SLMAP: variants seen among roughly 807,000 people sequenced by gnomAD.
SLMAP encodes the protein sarcolemma associated protein, also known as sarcolemmal membrane-associated protein.
SLMAP carries 44 observed loss-of-function variants against 128.8 expected under a neutral mutation model. The ratio of observed to expected loss-of-function variants is 0.34; its 90% CI spans 0.27 to 0.44. The LOEUF is 0.44. Among genes scored for constraint, SLMAP ranks in the 20% least tolerant of loss-of-function variants. The pLI is 1.00. For synonymous variants in SLMAP, 327 were observed against 348.8 expected (o/e 0.94, Z 0.70); for missense variants, 787 against 985.3 (o/e 0.80, Z 2.69).
rs1375750153 is a variant in SLMAP at position 57,929,231 on chromosome 3, A to C, written c.*1942A>C. On this transcript the variant is annotated 3_prime_UTR_variant, in exon 25 of 25. Coordinates refer to ENST00000671191, the MANE Select transcript of SLMAP (RefSeq NM_001377540.1). Reference sequence around the variant, plus strand: ...CTGACTCTACTATTGGGTTGTTAATAGTCTTCTCTTGACATGACTCTTTAT... The same window carrying C: ...CTGACTCTACTATTGGGTTGTTAATCGTCTTCTCTTGACATGACTCTTTAT... 6.6e-6 allele frequency: 1 copy of C among 152,644 alleles called. No homozygotes were observed. Among genetic ancestry groups the C allele is most frequent in the Admixed American group, 6.5e-5 (1 of 15,280 alleles). 9.5% of individuals were successfully genotyped at this position (152,644 alleles called of 1,614,324 possible). A position where few individuals can be genotyped will look rare whatever the true frequency, so the allele number is the denominator to read the frequency against.
At chr3:57,765,542 A>T (rs1000503455) in intron 2 of SLMAP, among the ~76,000 whole-genome samples, 4 of 152,178 alleles carry the variant, frequency 2.6e-5, no homozygotes, top group African/African-American at 7.2e-5. Context: ...GACAACCAAG[A>T]TTGTTTCTTC....
chr3:57,841,550 CT>C, intron 4 of SLMAP, among the ~76,000 whole-genome samples, 179 bp downstream of exon 4: 1 of 152,158 alleles, frequency 6.6e-6, no homozygotes, highest in South Asian at 2.1e-4. Context: ...TGCTTCTTTG[CT>C]TTAGTTACAA....
intron 14 of SLMAP, among the ~76,000 whole-genome samples, chr3:57,889,228 G>C (rs943626300): frequency 1.3e-5 from 2 of 152,216 alleles, no homozygotes; most frequent in African/African-American, 4.8e-5. Flanking sequence ...GCCACATACT[G>C]CAAAGAGCCT....
chr3:57,762,106 A>C (rs982977612), intron 2 of SLMAP, among the ~76,000 whole-genome samples: 1 of 151,384 alleles, frequency 6.6e-6, no homozygotes, highest in South Asian at 2.1e-4. Context: ...TTGGTGGCTC[A>C]TGCCTGTAAT....
intron 17 of SLMAP, among the ~76,000 whole-genome samples, chr3:57,903,219 A>G (rs915268206): frequency 6.6e-6 from 1 of 152,134 alleles, no homozygotes; most frequent in African/African-American, 2.4e-5. Context: ...AGAATTGACA[A>G]TAAGAGGCTG....
chr3:57,871,608 T>TC, intron 13 of SLMAP, 28 bp from the exon 14 acceptor site: 1 of 1,586,014 alleles, frequency 6.3e-7, no homozygotes, highest in Non-Finnish European at 8.7e-7. Flanking sequence ...ACAAACTATA[T>TC]CCTTAAAGGT....
Position 57,922,959 on chromosome 3 carries a change from C to T in SLMAP, c.2381C>T (p.Ser794Leu), listed in dbSNP as rs1420356133. The T allele has an allele frequency of 6.2e-7, 1 of 1,613,640 alleles. No individual in the cohort carries two copies. The highest frequency in any genetic ancestry group is 1.1e-5 in the South Asian group (1 of 91,056). ...GAAATGACTGAGCAGGAAAAGCAGT[C>T]AATCACAGATGAGCTCAAACAGTGT... ...KFEMTEQEKQSITDELKQCKN... is the reference protein window; with the variant it reads ...KFEMTEQEKQLITDELKQCKN... Residue 794 changes from serine (S) to leucine (L), a missense_variant, in exon 23 of 25, where the codon TCA (serine) becomes TTA (leucine). Physicochemically the swap from Ser to Leu is moderately radical, Grantham distance 145. Transcript: ENST00000671191.
chr3:57,806,388 C>G (rs1010253031), intron 2 of SLMAP, among the ~76,000 whole-genome samples: 1 of 152,088 alleles, frequency 6.6e-6, no homozygotes, highest in Non-Finnish European at 1.5e-5. Context: ...TGATCTCATT[C>G]CTTTTTATGG....
chr3:57,853,989 ATATATATATATTTACATATAATATATAT>A (rs2094629943), intron 6 of SLMAP, among the ~76,000 whole-genome samples: 1 of 109,258 alleles, frequency 9.2e-6, no homozygotes, highest in Admixed American at 1.0e-4. Flanking sequence ...ATATATATAT[ATATATATATATTTACATATAATATATAT>A]TATATATAAT....
chr3:57,864,145 T>A (rs2095220006), intron 10 of SLMAP, among the ~76,000 whole-genome samples: 1 of 152,136 alleles, frequency 6.6e-6, no homozygotes, highest in African/African-American at 2.4e-5. Context: ...CAGTGGCTCA[T>A]GCCTGTAATC....
At chr3:57,838,689 T>C (rs988626616) in intron 3 of SLMAP, among the ~76,000 whole-genome samples, 4 of 152,106 alleles carry the variant, frequency 2.6e-5, no homozygotes, top group Non-Finnish European at 5.9e-5. Context: ...AATTAGAAAA[T>C]CTGAGCCTGG....
chr3:57,893,614 C>G (rs979576156), intron 15 of SLMAP, among the ~76,000 whole-genome samples: 1 of 152,012 alleles, frequency 6.6e-6, no homozygotes, highest in Non-Finnish European at 1.5e-5. Context: ...AATATACTTC[C>G]TATTTACCTA....
intron 2 of SLMAP, among the ~76,000 whole-genome samples, chr3:57,761,180 G>A (rs2078564124): frequency 6.6e-6 from 1 of 152,128 alleles, no homozygotes; most frequent in Non-Finnish European, 1.5e-5. Context: ...GGGGAAGAGG[G>A]AACTATTTAG....
chr3:57,912,369 A>G lies in SLMAP; in HGVS notation c.1700-12A>G, dbSNP rs2096721496. The G allele has an allele frequency of 6.2e-7, 1 of 1,600,156 alleles. No homozygotes were observed. The highest frequency in any genetic ancestry group is 1.3e-5 in the African/African-American group (1 of 74,684). On this transcript the variant is annotated splice_polypyrimidine_tract_variant and intron_variant, in intron 19 of 24. Coordinates refer to ENST00000671191, the MANE Select transcript of SLMAP (RefSeq NM_001377540.1). ...CTAATGGGCCAAGAAAATGATGGAT[A>G]TACTTTTGCAGCCCAATTGCAGAGG...
At chr3:57,833,509 T>C (rs1478950946) in intron 3 of SLMAP, among the ~76,000 whole-genome samples, 3 of 151,944 alleles carry the variant, frequency 2.0e-5, no homozygotes, top group Non-Finnish European at 4.4e-5. Flanking sequence ...GCAACCTGTC[T>C]CCCGGGCTCA....
At chr3:57,822,630 A>T (rs1019168432) in intron 2 of SLMAP, among the ~76,000 whole-genome samples, 1 of 152,202 alleles carries the variant, frequency 6.6e-6, no homozygotes, top group Non-Finnish European at 1.5e-5. Context: ...TGTAGCAGCC[A>T]GGTGATGGTT....
At chr3:57,841,896 A>C (rs1472245084) in intron 4 of SLMAP, among the ~76,000 whole-genome samples, 2 of 152,170 alleles carry the variant, frequency 1.3e-5, no homozygotes, top group Non-Finnish European at 2.9e-5. Flanking sequence ...GACATTTGAA[A>C]GGGAAAATTA....
chr3:57,903,409 G>A (rs1420792995), intron 17 of SLMAP, among the ~76,000 whole-genome samples: 1 of 152,208 alleles, frequency 6.6e-6, no homozygotes, highest in Non-Finnish European at 1.5e-5. Context: ...TTGATGACAT[G>A]CCATATGTTA....
intron 2 of SLMAP, among the ~76,000 whole-genome samples, chr3:57,807,235 T>A (rs1053197237): frequency 1.3e-5 from 2 of 152,228 alleles, no homozygotes; most frequent in African/African-American, 4.8e-5. Context: ...TAAATCTGTT[T>A]AAGTTCCTTA....
Sources: allele counts gnomAD v4.1 joint callset (sites outside exome capture counted in the v4.1 genomes callset), GRCh38; gene constraint gnomAD v4.1.1; transcripts MANE v1.5; gene names NCBI Gene and HGNC (gene_info 2026-07-23, HGNC 2026-07-21).